RNF220: variants seen among roughly 807,000 people sequenced by gnomAD.
RNF220 encodes the protein ring finger protein 220.
A neutral mutation model predicts 67.1 loss-of-function variants in RNF220; 7 were observed. The observed-to-expected ratio is 0.10, with a 90% CI of 0.06 to 0.20. The LOEUF is 0.20. Ranked by LOEUF, RNF220 falls within the 10% of genes least tolerant of loss-of-function variation. The pLI is 1.00. For synonymous variants in RNF220, 270 were observed against 283.2 expected (o/e 0.95, Z 0.47); for missense variants, 565 against 740.3 (o/e 0.76, Z 2.75).
chr1:44,535,503 T>G (rs1661153634), intron 2 of RNF220, among the ~76,000 whole-genome samples: 1 of 152,198 alleles, frequency 6.6e-6, no homozygotes, highest in South Asian at 2.1e-4. Flanking sequence ...TTGTTTACTA[T>G]TAGGGTTCTT....
At position 44,636,514 on chromosome 1, in the gene RNF220, T is replaced by C. The variant is rs1403690404; in HGVS notation, c.1126+352T>C. ...TTTATCACTCCATCCCTCTTAAGGCTGATAAATGAGAATCCAGCAACCTGC... is the reference window on the plus strand; with the variant it reads ...TTTATCACTCCATCCCTCTTAAGGCCGATAAATGAGAATCCAGCAACCTGC... On this transcript the variant is annotated intron_variant, in intron 8 of 14. Coordinates refer to ENST00000361799, the MANE Select transcript of RNF220 (RefSeq NM_018150.4). 3 of 702,832 alleles carry C rather than the reference T, an allele frequency of 4.3e-6. No individual in the cohort carries two copies. The East Asian group carries it at 8.1e-5, about 19-fold the overall frequency. The allele number at this position is 702,832 out of a possible 1,614,324, so 43.5% of individuals were successfully genotyped here.
intron 2 of RNF220, among the ~76,000 whole-genome samples, chr1:44,520,637 C>G (rs1216147381): frequency 6.6e-6 from 1 of 152,226 alleles, no homozygotes; most frequent in African/African-American, 2.4e-5. Context: ...TTCAAGCCTT[C>G]CCTACTGCTC....
At chr1:44,577,002 C>G (rs1263868240) in intron 2 of RNF220, among the ~76,000 whole-genome samples, 1 of 152,154 alleles carries the variant, frequency 6.6e-6, no homozygotes, top group African/African-American at 2.4e-5. Flanking sequence ...AGGAATTGAG[C>G]ATTTGCCAAG....
At position 44,566,000 on chromosome 1, in the gene RNF220, A is replaced by G. The variant is rs893787382; in HGVS notation, c.626-48165A>G. Among the ~76,000 whole-genome samples, 2 of 152,150 alleles carry G rather than the reference A, an allele frequency of 1.3e-5. No individual in the cohort carries two copies. Among genetic ancestry groups the G allele is most frequent in the African/African-American group, 2.4e-5 (1 of 41,434 alleles). ...CGGCTGCCTTTAAATAGTCCGATCT[A>G]TCAGAGGGGCACACGCTGCCCATAA... On this transcript the variant is annotated intron_variant, in intron 2 of 14. Coordinates refer to ENST00000361799, the MANE Select transcript of RNF220 (RefSeq NM_018150.4). The surrounding 1 kb of genome is among the most constrained non-coding windows in gnomAD (Gnocchi z 4.2).
chr1:44,650,106 T>A lies in RNF220; in HGVS notation c.1629+149T>A. The A allele has an allele frequency of 1.2e-6, 1 of 820,440 alleles. No homozygotes were observed. Among genetic ancestry groups the A allele is most frequent in the Non-Finnish European group, 1.9e-6 (1 of 530,612 alleles). 50.8% of individuals were successfully genotyped at this position (820,440 alleles called of 1,614,324 possible). On this transcript the variant is annotated intron_variant, in intron 14 of 14. Coordinates refer to ENST00000361799, the MANE Select transcript of RNF220 (RefSeq NM_018150.4). This position sits in a 1 kb window ranked among gnomAD's most constrained non-coding sequence, Gnocchi z 4.3. ...GCCAGGATATTTACCCGCAGGATATTTACCCCCAGGCTCGCTGCCTCTCCT... is the reference window on the plus strand; with the variant it reads ...GCCAGGATATTTACCCGCAGGATATATACCCCCAGGCTCGCTGCCTCTCCT...
At chr1:44,557,639 A>C (rs960195184) in intron 2 of RNF220, among the ~76,000 whole-genome samples, 3 of 152,172 alleles carry the variant, frequency 2.0e-5, no homozygotes, top group Non-Finnish European at 4.4e-5. Context: ...ATTTGTCCAA[A>C]GATGTTTAAA....
intron 2 of RNF220, among the ~76,000 whole-genome samples, chr1:44,560,664 C>T (rs988361265): frequency 1.3e-5 from 2 of 152,156 alleles, no homozygotes; most frequent in Admixed American, 6.5e-5. Flanking sequence ...TGGGTTCAAG[C>T]GATTCTCCTG....
In RNF220 at chr1:44,636,155, C is replaced by T. The variant is rs1343138590; in HGVS notation, c.1119C>T (p.Gly373=). The T allele has an allele frequency of 5.6e-6, 9 of 1,601,928 alleles. No individual in the cohort carries two copies. Among genetic ancestry groups the T allele is most frequent in the Non-Finnish European group, 7.7e-6 (9 of 1,171,104 alleles). The part of the protein sequence containing the change: ...RIRATTLLEG[G]FRGSGFIMCS... The stretch of plus-strand genomic sequence containing the variant: ...GGGCCACCACTCTCCTGGAAGGTGG[C>T]TTCCGAGGTACAAGCAGCTGACACG... The change falls in exon 8 of 15, where the codon GGC becomes GGT. Residue 373 remains glycine, a synonymous_variant. Transcript: ENST00000361799.
intron 8 of RNF220, among the ~76,000 whole-genome samples, chr1:44,637,485 A>G (rs1276589933): frequency 6.6e-6 from 1 of 152,242 alleles, no homozygotes; most frequent in Non-Finnish European, 1.5e-5. Flanking sequence ...GCAGCCACAC[A>G]GGGTCAGTTT....
At chr1:44,615,845 T>A (rs573835420) in intron 3 of RNF220, among the ~76,000 whole-genome samples, 24 of 152,360 alleles carry the variant, frequency 1.6e-4, no homozygotes, top group Non-Finnish European at 2.6e-4. Context: ...CATACATGTA[T>A]TATCTCAGTT....
chr1:44,544,696 G>A (rs190280685), intron 2 of RNF220, among the ~76,000 whole-genome samples: 1 of 152,358 alleles, frequency 6.6e-6, no homozygotes, highest in East Asian at 1.9e-4. Context: ...TTAGCCTAAA[G>A]CCTTGTGGAA....
chr1:44,487,336 A>AAAAT (rs149516718), intron 2 of RNF220, among the ~76,000 whole-genome samples: 8 of 146,948 alleles, frequency 5.4e-5, no homozygotes, highest in African/African-American at 2.0e-4. Flanking sequence ...CTCTGTCTCA[A>AAAAT]AAATAAATAA....
intron 3 of RNF220, among the ~76,000 whole-genome samples, chr1:44,620,526 C>T (rs887852367): frequency 4.6e-5 from 7 of 152,224 alleles, no homozygotes; most frequent in Admixed American, 3.9e-4. Flanking sequence ...AACTCAAAAA[C>T]TAGTTGCTCT....
chr1:44,635,825 C>A, intron 7 of RNF220: 2 of 1,283,768 alleles, frequency 1.6e-6, no homozygotes, highest in Non-Finnish European at 2.1e-6. Flanking sequence ...CACTCTCACT[C>A]ATTCCCTCCT....
At chr1:44,609,064 A>G (rs1239471237) in intron 2 of RNF220, among the ~76,000 whole-genome samples, 3 of 152,188 alleles carry the variant, frequency 2.0e-5, no homozygotes, top group Non-Finnish European at 4.4e-5. Context: ...GCCCAAGGTC[A>G]CACAGCTAGC....
Position 44,626,351 on chromosome 1 carries a change from C to T in RNF220, c.859C>T (p.Pro287Ser), listed in dbSNP as rs1368301924. The T allele has an allele frequency of 6.2e-7, 1 of 1,613,578 alleles. No individual in the cohort carries two copies. The highest frequency in any genetic ancestry group is 1.1e-5 in the South Asian group (1 of 91,060). ...GGAAGGAGAGTCTCCAACGGCATCA[C>T]CCCACTCATCTGCCACCGATGACCT... is the stretch of plus-strand genomic sequence containing the variant. ...KREGESPTAS[P>S]HSSATDDLHH... Residue 287 changes from proline to serine, a missense_variant, in exon 5 of 15, where the codon CCC (proline) becomes TCC (serine). Coordinates refer to ENST00000361799, the MANE Select transcript of RNF220 (RefSeq NM_018150.4).
chr1:44,530,054 CA>C (rs34873208), intron 2 of RNF220, among the ~76,000 whole-genome samples: 57,101 of 140,372 alleles, frequency 0.41, 10,917 homozygotes, highest in Middle Eastern at 0.58. Flanking sequence ...ACTCTTATCT[CA>C]AAAAAAAAAA....
At chr1:44,596,792 C>T (rs556278986) in intron 2 of RNF220, among the ~76,000 whole-genome samples, 1 of 152,308 alleles carries the variant, frequency 6.6e-6, no homozygotes, top group South Asian at 2.1e-4. Context: ...TCCCAAATGC[C>T]AGTTATTGCT....
chr1:44,411,987 G>A lies in RNF220; in HGVS notation c.-111G>A. On this transcript the variant is annotated 5_prime_UTR_variant, in exon 2 of 15. Coordinates refer to ENST00000361799, the MANE Select transcript of RNF220 (RefSeq NM_018150.4). The stretch of plus-strand genomic sequence containing the variant: ...CTCTTTGCTGTTTCTACAGGTCTTA[G>A]GAGGGAATGATTCCCCAGTAATATT... The A allele has an allele frequency of 1.6e-6, 2 of 1,237,350 alleles. No homozygotes were observed. Among genetic ancestry groups the A allele is most frequent in the South Asian group, 3.0e-5 (2 of 66,516 alleles). The allele number at this position is 1,237,350 out of a possible 1,614,324, so 76.6% of individuals were successfully genotyped here.
Sources: allele counts gnomAD v4.1 joint callset (sites outside exome capture counted in the v4.1 genomes callset), GRCh38; gene constraint gnomAD v4.1.1; non-coding constraint Gnocchi (gnomAD v3.1); transcripts MANE v1.5; gene names NCBI Gene and HGNC (gene_info 2026-07-23, HGNC 2026-07-21).